The following COL6A3 variants were observed in gnomAD, a reference collection of about 807,000 sequenced individuals.
The protein encoded by COL6A3 is collagen alpha-3(VI) chain.
COL6A3 carries 137 observed loss-of-function variants against 274.1 expected under a neutral mutation model. The observed-to-expected ratio is 0.50, with a 90% CI of 0.44 to 0.58. COL6A3 has a LOEUF of 0.58. COL6A3 is among the 20% of genes least tolerant of loss of function. The probability of loss-of-function intolerance (pLI) is 0.00; values close to 1 mark genes in which losing one functional copy is unlikely to be tolerated. For missense variants in COL6A3, 3,950 were observed against 4,124.9 expected (o/e 0.96, Z 1.16); for synonymous variants, 1,650 against 1,650.6 (o/e 1.00, Z 0.01).
intron 1 of COL6A3, among the ~76,000 whole-genome samples, chr2:237,401,441 A>G (rs1312549462): frequency 2.0e-5 from 3 of 151,246 alleles, no homozygotes; most frequent in African/African-American, 7.3e-5. Flanking sequence ...TTAAGTATAT[A>G]TATGTATATA....
At chr2:237,349,459 A>C (rs2077161272) in intron 28 of COL6A3, among the ~76,000 whole-genome samples, 1 of 152,254 alleles carries the variant, frequency 6.6e-6, no homozygotes, top group African/African-American at 2.4e-5. Flanking sequence ...ATTCGTTTTT[A>C]AACTTCAGTT....
In COL6A3 at chr2:237,375,000, C is replaced by G. The variant is rs1372686886; in HGVS notation, c.3091G>C (p.Val1031Leu). ...PAPVSGEKDVVFLLDGSEGVR... is the reference protein window; with the variant it reads ...PAPVSGEKDVLFLLDGSEGVR... ...CCCTCAGAGCCATCAAGCAGAAACA[C>G]CACGTCCTTTTCACCTGAAACTGGG... The change falls in exon 8 of 44, where the codon GTG (valine) becomes CTG (leucine). Residue 1031 changes from valine (V) to leucine (L), a missense_variant. Val to Leu is a conservative substitution (Grantham distance 32). This residue lies in a region of COL6A3 where 1,934 missense variants were observed against 1,984.3 expected (regional missense o/e 0.97). Coordinates refer to ENST00000295550, the MANE Select transcript of COL6A3 (RefSeq NM_004369.4). The surrounding 1 kb of genome is among the most constrained non-coding windows in gnomAD (Gnocchi z 4.8). 3.7e-6 allele frequency: 6 copies of G among 1,613,744 alleles called. No homozygotes were observed. Among genetic ancestry groups the G allele is most frequent in the Non-Finnish European group, 4.2e-6 (5 of 1,180,024 alleles).
Position 237,338,913 on chromosome 2 carries a change from T to C in COL6A3, c.8567+102A>G, listed in dbSNP as rs533759303. The C allele has an allele frequency of 9.4e-6, 8 of 846,872 alleles. No individual in the cohort carries two copies. In the African/African-American group the frequency reaches 1.0e-4, roughly 11 times the overall value. The allele number at this position is 846,872 out of a possible 1,614,324, so 52.5% of individuals were successfully genotyped here. A position where few individuals can be genotyped will look rare whatever the true frequency, so the allele number is the denominator to read the frequency against. The stretch of plus-strand genomic sequence containing the variant: ...ATTACCTTTGGGAAGTCACATTTTC[T>C]GGATTTCAAGGTCCTCATCCCATAA... On this transcript the variant is annotated intron_variant, in intron 39 of 43. Coordinates refer to ENST00000295550, the MANE Select transcript of COL6A3 (RefSeq NM_004369.4).
intron 39 of COL6A3, 104 bp downstream of exon 39, chr2:237,338,911 T>G (rs1700684073): frequency 1.8e-5 from 15 of 827,310 alleles, no homozygotes; most frequent in Non-Finnish European, 2.8e-5. Context: ...AGTCACATTT[T>G]CTGGATTTCA....
At chr2:237,385,133 C>T (rs1325457278) in intron 4 of COL6A3, among the ~76,000 whole-genome samples, 21 of 152,162 alleles carry the variant, frequency 1.4e-4, no homozygotes, top group Admixed American at 1.1e-3. Context: ...TTGAATGCCC[C>T]AATGCAACTT....
chr2:237,348,412 A>T (rs373446458), intron 29 of COL6A3, 28 bp from the exon 30 acceptor site: 2 of 1,556,704 alleles, frequency 1.3e-6, no homozygotes, highest in Non-Finnish European at 1.8e-6. Flanking sequence ...ATTATTTAAT[A>T]CTTGGTTCTA....
At chr2:237,355,719 C>A (rs1265788135) in intron 23 of COL6A3, 2 of 152,228 alleles carry the variant, frequency 1.3e-5, no homozygotes, top group Admixed American at 6.5e-5. Flanking sequence ...AGGAACCTCA[C>A]TCTCCACTTC....
intron 3 of COL6A3, among the ~76,000 whole-genome samples, chr2:237,388,998 G>A (rs1174298200): frequency 3.3e-5 from 5 of 152,014 alleles, no homozygotes; most frequent in East Asian, 1.9e-4. Flanking sequence ...ATATGAAACC[G>A]GTCATGACAT....
chr2:237,356,194 C>A (rs2077312898), intron 23 of COL6A3, among the ~76,000 whole-genome samples: 8 of 152,204 alleles, frequency 5.3e-5, no homozygotes, highest in Admixed American at 5.2e-4. Flanking sequence ...TAAGTCATTT[C>A]ATGAAACCAA....
chr2:237,363,238 A>AT lies in COL6A3; in HGVS notation c.6063+14dup. On this transcript the variant is annotated intron_variant, in intron 14 of 43. Transcript: ENST00000295550. ...TCTACACTGGTCTGTGTATAAAGAC[A>AT]TAAAAAAAACTCACAAGCTGCTCCG... 6.3e-7 allele frequency: 1 copy of AT among 1,580,580 alleles called. No individual in the cohort carries two copies. Among genetic ancestry groups the AT allele is most frequent in the East Asian group, 2.2e-5 (1 of 44,864 alleles).
rs967758445 is a variant in COL6A3, at chr2:237,361,054, T to C, written c.6210+67A>G. 9 of 1,277,894 alleles carry C rather than the reference T, an allele frequency of 7.0e-6. No homozygotes were observed. The highest frequency in any genetic ancestry group is 2.4e-5 in the South Asian group (2 of 84,282). The allele number at this position is 1,277,894 out of a possible 1,614,324, so 79.2% of individuals were successfully genotyped here. ...ACTGAACAAATGATGAAATCCACAATGCAATCCCAATGGGTAAGGATCAAG... is the reference window on the plus strand; with the variant it reads ...ACTGAACAAATGATGAAATCCACAACGCAATCCCAATGGGTAAGGATCAAG... On this transcript the variant is annotated intron_variant, in intron 16 of 43. Transcript: ENST00000295550. The surrounding 1 kb of genome is among the most constrained non-coding windows in gnomAD (Gnocchi z 5.1).
intron 7 of COL6A3, 58 bp downstream of exon 7, chr2:237,376,714 C>T: frequency 7.7e-6 from 12 of 1,566,434 alleles, no homozygotes; most frequent in Non-Finnish European, 7.9e-6. Flanking sequence ...AGCAGCCTAC[C>T]CTCAACTCAT....
chr2:237,411,630 G>A (rs558842596), intron 1 of COL6A3, among the ~76,000 whole-genome samples: 1 of 152,332 alleles, frequency 6.6e-6, no homozygotes, highest in African/African-American at 2.4e-5. Flanking sequence ...TCTCATCGGG[G>A]ACGTATTAAG....
At chr2:237,358,014 C>T in intron 21 of COL6A3, 132 bp from the exon 22 acceptor site, 1 of 849,028 alleles carries the variant, frequency 1.2e-6, no homozygotes, top group South Asian at 1.3e-5. Flanking sequence ...TCGGCCACAA[C>T]CCATCCAGGT....
In COL6A3 at chr2:237,366,665, A is replaced by C. The variant is rs73093738; in HGVS notation, c.5500+22T>G. On this transcript the variant is annotated intron_variant, in intron 11 of 43. Transcript: ENST00000295550. ...AAATGTCAACAGGAAAGGATGGAAA[A>C]TATGCACATAATGGGAGTTACCTTT... is the stretch of plus-strand genomic sequence containing the variant. 9.4e-4 allele frequency: 1,511 copies of C among 1,614,212 alleles called. 16 individuals carry two copies. The African/African-American group carries it at 0.018, about 19-fold the overall frequency.
rs376997896 is a variant in COL6A3, at chr2:237,374,467, G to T, written c.3624C>A (p.Leu1208=). ...GCAGCCTGCTCAGCTCCTCGCGGGT[G>T]AGCTGGGTCACCCTCTCAGAGATGA... is the stretch of plus-strand genomic sequence containing the variant. ...QQVISERVTQ[L]TREELSRLQP... The change falls in exon 8 of 44, where the codon CTC becomes CTA. Residue 1208 remains leucine, a synonymous_variant. Transcript: ENST00000295550. The surrounding 1 kb of genome is among the most constrained non-coding windows in gnomAD (Gnocchi z 4.8). 3.1e-6 allele frequency: 5 copies of T among 1,614,012 alleles called. No homozygotes were observed. Among genetic ancestry groups the T allele is most frequent in the African/African-American group, 1.3e-5 (1 of 75,076 alleles).
At chr2:237,383,694 A>G (rs2078070409) in intron 4 of COL6A3, among the ~76,000 whole-genome samples, 1 of 152,110 alleles carries the variant, frequency 6.6e-6, no homozygotes, top group South Asian at 2.1e-4. Context: ...CTCCTATACC[A>G]AGTGGCCCAG....
Position 237,363,400 on chromosome 2 carries a change from T to G in COL6A3, c.5918-2A>C. 6.2e-7 allele frequency: 1 copy of G among 1,614,176 alleles called. No homozygotes were observed. Among genetic ancestry groups the G allele is most frequent in the Non-Finnish European group, 8.5e-7 (1 of 1,180,028 alleles). ...CCACCAGGATCAAGGCACGGACTCC[T>G]GCAAAGAAAGACACATTTAATACAG... On this transcript the variant is annotated splice_acceptor_variant, in intron 13 of 43. Transcript: ENST00000295550. LOFTEE classifies it high-confidence loss of function.
chr2:237,409,538 T>C (rs2078803516), intron 1 of COL6A3, among the ~76,000 whole-genome samples: 1 of 151,676 alleles, frequency 6.6e-6, no homozygotes, highest in Non-Finnish European at 1.5e-5. Context: ...GTTTTTTTTG[T>C]TTGTTTGTTT....
Sources: allele counts gnomAD v4.1 joint callset (sites outside exome capture counted in the v4.1 genomes callset), GRCh38; gene constraint gnomAD v4.1.1; regional missense constraint gnomAD v4.1.1; non-coding constraint Gnocchi (gnomAD v3.1); transcripts MANE v1.5; gene names NCBI Gene and HGNC (gene_info 2026-07-23, HGNC 2026-07-21).